Variants in LUZP2 observed in about 807,000 individuals in gnomAD.
LUZP2 encodes the protein leucine zipper protein 2.
A neutral mutation model predicts 51.6 loss-of-function variants in LUZP2; 52 were observed. The observed-to-expected ratio is 1.01, with a 90% CI of 0.81 to 1.27. The LOEUF (loss-of-function observed/expected upper bound fraction) is 1.27, where lower values mean the gene tolerates loss of function less well. LUZP2 is among the 50% of genes most tolerant of loss of function. The pLI is 0.00. For synonymous variants in LUZP2, 154 were observed against 137.3 expected (o/e 1.12, Z -0.85); for missense variants, 436 against 395.4 (o/e 1.10, Z -0.87).
At chr11:24,774,499 A>ATTCTT (rs1180949871) in intron 5 of LUZP2, among the ~76,000 whole-genome samples, 146 of 119,482 alleles carry the variant, frequency 1.2e-3, no homozygotes, top group African/African-American at 2.3e-3. Context: ...TAAAGAATAT[A>ATTCTT]TATAGAATAT....
At chr11:24,959,960 A>C (rs1316080920) in intron 7 of LUZP2, among the ~76,000 whole-genome samples, 1 of 152,056 alleles carries the variant, frequency 6.6e-6, no homozygotes. Flanking sequence ...TTTAGCATGA[A>C]GGTTGTTGAA....
chr11:24,757,710 A>G (rs1859827180), intron 4 of LUZP2, among the ~76,000 whole-genome samples: 1 of 151,962 alleles, frequency 6.6e-6, no homozygotes, highest in Non-Finnish European at 1.5e-5. Flanking sequence ...AAATTGAATA[A>G]GAATAAAAGA....
intron 5 of LUZP2, among the ~76,000 whole-genome samples, chr11:24,844,909 A>T (rs940026036): frequency 4.6e-5 from 7 of 152,238 alleles, no homozygotes; most frequent in Non-Finnish European, 1.0e-4. Flanking sequence ...AAATGTCTGT[A>T]TACCCAGGTG....
intron 1 of LUZP2, among the ~76,000 whole-genome samples, chr11:24,669,403 C>T (rs559375742): frequency 2.0e-5 from 3 of 152,174 alleles, no homozygotes; most frequent in South Asian, 4.1e-4. Flanking sequence ...CTGGGCCTGC[C>T]GAATGCTTTC....
At chr11:24,830,383 T>TA (rs373674820) in intron 5 of LUZP2, among the ~76,000 whole-genome samples, 5 of 106,788 alleles carry the variant, frequency 4.7e-5, no homozygotes, top group South Asian at 2.6e-4. Context: ...AAAATCGTAT[T>TA]GTCCATATGT....
intron 1 of LUZP2, among the ~76,000 whole-genome samples, chr11:24,569,383 T>C (rs1018266674): frequency 6.6e-6 from 1 of 152,088 alleles, no homozygotes; most frequent in African/African-American, 2.4e-5. Context: ...GAAATGTTAT[T>C]GTTGATATAA....
intron 1 of LUZP2, among the ~76,000 whole-genome samples, chr11:24,678,097 C>T (rs1161705667): frequency 4.8e-5 from 7 of 145,932 alleles, no homozygotes; most frequent in Non-Finnish European, 7.5e-5. Flanking sequence ...GTGATTACTA[C>T]GTAGCTATGT....
chr11:24,599,427 C>T (rs1284667328), intron 1 of LUZP2, among the ~76,000 whole-genome samples: 1 of 152,104 alleles, frequency 6.6e-6, no homozygotes, highest in African/African-American at 2.4e-5. Context: ...AATTCCTTCA[C>T]ATTTGGGCCA....
At chr11:24,711,337 C>A (rs1036312059) in intron 1 of LUZP2, among the ~76,000 whole-genome samples, 1 of 152,034 alleles carries the variant, frequency 6.6e-6, no homozygotes, top group African/African-American at 2.4e-5. Flanking sequence ...GCAGTCCCAG[C>A]TGCTGGGGAG....
At chr11:24,957,763 T>A (rs968008602) in intron 7 of LUZP2, among the ~76,000 whole-genome samples, 2 of 152,200 alleles carry the variant, frequency 1.3e-5, no homozygotes, top group South Asian at 4.1e-4. Flanking sequence ...TCTTTTTTTT[T>A]ATTAATATAC....
intron 5 of LUZP2, among the ~76,000 whole-genome samples, chr11:24,774,315 G>C (rs376583492): frequency 1.2e-4 from 15 of 123,232 alleles, no homozygotes; most frequent in Non-Finnish European, 2.0e-4. Context: ...GAGTTAATGA[G>C]TTAATACTTA....
At chr11:25,027,895 T>C (rs899845674) in intron 9 of LUZP2, among the ~76,000 whole-genome samples, 5 of 145,068 alleles carry the variant, frequency 3.4e-5, no homozygotes, top group African/African-American at 1.0e-4. Context: ...GGTGTTTAGA[T>C]TTAGATACCA....
chr11:24,685,561 G>C (rs1020110762), intron 1 of LUZP2, among the ~76,000 whole-genome samples: 3 of 152,048 alleles, frequency 2.0e-5, no homozygotes, highest in African/African-American at 7.2e-5. Context: ...CTCCCACACT[G>C]TTACTAATAT....
At chr11:24,627,176 A>C (rs998423300) in intron 1 of LUZP2, among the ~76,000 whole-genome samples, 3 of 152,320 alleles carry the variant, frequency 2.0e-5, no homozygotes, top group Non-Finnish European at 4.4e-5. Context: ...AATATGTAAG[A>C]TGTTTCTTTA....
At chr11:24,577,868 A>G (rs1852708793) in intron 1 of LUZP2, among the ~76,000 whole-genome samples, 1 of 152,148 alleles carries the variant, frequency 6.6e-6, no homozygotes, top group African/African-American at 2.4e-5. Context: ...GTTACAAGTA[A>G]GAAACTTAAA....
chr11:24,891,175 T>A (rs1852842705), intron 5 of LUZP2: 1 of 984,898 alleles, frequency 1.0e-6, no homozygotes, highest in Non-Finnish European at 1.2e-6. Context: ...ACCGACAGTA[T>A]CTAATGTGAG....
At position 24,682,951 on chromosome 11, in the gene LUZP2, C is replaced by G. The variant is rs187299146; in HGVS notation, c.63-46218C>G. On this transcript the variant is annotated intron_variant, in intron 1 of 11. Transcript: ENST00000336930. ...CTCAGGAGGCAGAGGTTGCAGTGAG[C>G]CGAGATCAGCTTGGGCGACAGAGTG... 3.9e-5 allele frequency among the ~76,000 whole-genome samples: 6 copies of G among 152,122 alleles called. No homozygotes were observed. In the East Asian group the frequency reaches 1.2e-3, roughly 30 times the overall value.
chr11:24,623,638 G>T (rs1230619995), intron 1 of LUZP2, among the ~76,000 whole-genome samples: 1 of 152,094 alleles, frequency 6.6e-6, no homozygotes, highest in Non-Finnish European at 1.5e-5. Flanking sequence ...CTAAAGTCGG[G>T]AGTTGGAGAC....
At chr11:24,724,272 T>G (rs1021127109) in intron 1 of LUZP2, among the ~76,000 whole-genome samples, 4 of 152,094 alleles carry the variant, frequency 2.6e-5, no homozygotes, top group Non-Finnish European at 5.9e-5. Context: ...AACTTTTTAT[T>G]TTAAAGTCAA....
Sources: gnomAD v4.1 joint callset for allele counts (sites outside exome capture counted in the v4.1 genomes callset) on GRCh38, gnomAD v4.1.1 for gene constraint, MANE v1.5 for transcripts, NCBI Gene and HGNC (gene_info 2026-07-23, HGNC 2026-07-21) for gene names.